Variants in NHS observed in about 807,000 individuals in gnomAD.
NHS encodes actin remodeling regulator NHS.
Under a neutral mutation model 72.5 loss-of-function variants are expected in NHS, and 5 were observed. The ratio of observed to expected loss-of-function variants is 0.07; its 90% CI spans 0.04 to 0.14. The LOEUF is 0.14. Ranked by LOEUF, NHS falls within the 10% of genes least tolerant of loss-of-function variation. The pLI is 1.00. For missense variants in NHS, 1,072 were observed against 1,355.7 expected (o/e 0.79, Z 3.29); for synonymous variants, 464 against 547.7 (o/e 0.85, Z 2.13).
chrX:17,619,202 C>A (rs1281700026), intron 1 of NHS, among the ~76,000 whole-genome samples: 2 of 112,043 alleles, frequency 1.8e-5, no homozygotes, highest in African/African-American at 6.5e-5. Context: ...CCTTATTGGC[C>A]TGTTGGCTAG....
intron 3 of NHS, among the ~76,000 whole-genome samples, chrX:17,710,564 T>C (rs1400127199): frequency 8.9e-6 from 1 of 112,166 alleles, no homozygotes; most frequent in Non-Finnish European, 1.9e-5. Context: ...TCCATTCATA[T>C]AACATTTTCA....
chrX:17,383,277 A>G (rs1281333344), intron 1 of NHS, among the ~76,000 whole-genome samples: 1 of 111,546 alleles, frequency 9.0e-6, no homozygotes, highest in African/African-American at 3.3e-5. Flanking sequence ...GAAGGCAAAG[A>G]CCTAGGGCTG....
intron 3 of NHS, among the ~76,000 whole-genome samples, chrX:17,716,184 C>A (rs1028848039): frequency 9.0e-6 from 1 of 111,628 alleles, no homozygotes; most frequent in African/African-American, 3.3e-5. Context: ...TCAGGTGTGA[C>A]CTCATGCTTA....
rs188238487 is a variant in NHS, at chrX:17,529,538, C to T, written c.565+153216C>T. Among the ~76,000 whole-genome samples the T allele has an allele frequency of 9.9e-5, 11 of 111,194 alleles. No individual in the cohort carries two copies. The East Asian group carries it at 1.4e-3, about 14-fold the overall frequency. ...GCAATGCCTTTAGTGTCACTGAAGC[C>T]GACAAAGAAAGCTGACGCGTTGTTT... On this transcript the variant is annotated intron_variant, in intron 1 of 8. Coordinates refer to ENST00000676302, the MANE Select transcript of NHS (RefSeq NM_001291867.2).
intron 1 of NHS, among the ~76,000 whole-genome samples, chrX:17,491,915 T>C (rs1334397148): frequency 1.8e-5 from 2 of 111,001 alleles, no homozygotes; most frequent in East Asian, 5.6e-4. Context: ...CTAGTTTATT[T>C]GCATAGAAGT....
At chrX:17,519,522 C>T (rs918081403) in intron 1 of NHS, among the ~76,000 whole-genome samples, 1 of 112,095 alleles carries the variant, frequency 8.9e-6, no homozygotes, top group Non-Finnish European at 1.9e-5. Context: ...TTCCCAGGGC[C>T]TTACACAACA....
chrX:17,664,590 ACT>A (rs1569303873), intron 1 of NHS, among the ~76,000 whole-genome samples: 1 of 112,098 alleles, frequency 8.9e-6, no homozygotes, highest in Non-Finnish European at 1.9e-5. Flanking sequence ...CCAAAACCAC[ACT>A]GTCTTGACCT....
intron 1 of NHS, among the ~76,000 whole-genome samples, chrX:17,524,975 G>A (rs1253467216): frequency 2.7e-5 from 3 of 111,358 alleles, no homozygotes; most frequent in Non-Finnish European, 3.8e-5. Context: ...TGATTGGGTG[G>A]GAAGGCATAC....
intron 1 of NHS, among the ~76,000 whole-genome samples, chrX:17,495,072 G>A (rs1019870149): frequency 3.6e-5 from 4 of 111,916 alleles, no homozygotes; most frequent in African/African-American, 6.5e-5. Flanking sequence ...GCAGGGAAGC[G>A]GAACTGAAGC....
At chrX:17,572,848 T>C (rs1028474804) in intron 1 of NHS, among the ~76,000 whole-genome samples, 3 of 111,806 alleles carry the variant, frequency 2.7e-5, no homozygotes, top group African/African-American at 9.8e-5. Flanking sequence ...AGTGCTTCCT[T>C]CAGGAGCTCT....
intron 1 of NHS, among the ~76,000 whole-genome samples, chrX:17,612,966 G>A (rs772579204): frequency 1.8e-5 from 2 of 111,238 alleles, no homozygotes; most frequent in African/African-American, 3.3e-5. Context: ...TAGGTATGCT[G>A]TATGGATGTA....
intron 1 of NHS, among the ~76,000 whole-genome samples, chrX:17,534,041 T>A (rs2065211181): frequency 8.9e-6 from 1 of 112,079 alleles, no homozygotes; most frequent in Non-Finnish European, 1.9e-5. Flanking sequence ...GATGATGAGT[T>A]CTCTAACCTA....
At chrX:17,625,436 C>T (rs1325986025) in intron 1 of NHS, among the ~76,000 whole-genome samples, 1 of 112,132 alleles carries the variant, frequency 8.9e-6, no homozygotes, top group Non-Finnish European at 1.9e-5. Context: ...TGGCCAAGTG[C>T]CAGCCAGCTT....
rs759786908 is a variant in NHS at position 17,535,447 on chromosome X, C to T, written c.566-152295C>T. Among the ~76,000 whole-genome samples, 5 of 111,816 alleles carry T rather than the reference C, an allele frequency of 4.5e-5. No homozygotes were observed. In the South Asian group the frequency reaches 1.1e-3, roughly 25 times the overall value. Reference sequence around the variant, plus strand: ...GGCAGCACCATCCCTAGTCAAACACCGCTAACAGATATTTCTCGTCTGCTC... The same window carrying T: ...GGCAGCACCATCCCTAGTCAAACACTGCTAACAGATATTTCTCGTCTGCTC... On this transcript the variant is annotated intron_variant, in intron 1 of 8. Coordinates refer to ENST00000676302, the MANE Select transcript of NHS (RefSeq NM_001291867.2).
rs769607373 is a variant in NHS at position 17,717,556 on chromosome X, T to C, written c.853-1788T>C. 1.7e-4 allele frequency among the ~76,000 whole-genome samples: 19 copies of C among 112,825 alleles called. No individual in the cohort carries two copies. The Middle Eastern group carries it at 0.023, about 136-fold the overall frequency. ...AGAGTTTTAAAAGTTTCAGTGGCCT[T>C]CTCAGTAGATCCTGAAGAGGGGATT... On this transcript the variant is annotated intron_variant, in intron 3 of 8. Transcript: ENST00000676302.
At chrX:17,488,360 G>C (rs749381557) in intron 1 of NHS, among the ~76,000 whole-genome samples, 2 of 111,371 alleles carry the variant, frequency 1.8e-5, no homozygotes, top group Non-Finnish European at 3.8e-5. Context: ...TTGGGCTTGA[G>C]GGCTGAAGGA....
chrX:17,408,446 T>C (rs190263319), intron 1 of NHS, among the ~76,000 whole-genome samples: 216 of 111,968 alleles, frequency 1.9e-3, no homozygotes, highest in Admixed American at 0.018. Flanking sequence ...GTGTTTATTC[T>C]ATGTGTTTTC....
chrX:17,654,488 C>A (rs1053875176), intron 1 of NHS, among the ~76,000 whole-genome samples: 1 of 112,713 alleles, frequency 8.9e-6, no homozygotes, highest in African/African-American at 3.2e-5. Flanking sequence ...TGACCACAAT[C>A]ATTAATTCAC....
intron 1 of NHS, among the ~76,000 whole-genome samples, chrX:17,472,366 G>A (rs995036719): frequency 9.0e-6 from 1 of 110,794 alleles, no homozygotes; most frequent in Non-Finnish European, 1.9e-5. Context: ...AGAGACAAGA[G>A]ACATAGCTGG....
Sources: gnomAD v4.1 joint callset for allele counts (sites outside exome capture counted in the v4.1 genomes callset) on GRCh38, gnomAD v4.1.1 for gene constraint, MANE v1.5 for transcripts, NCBI Gene and HGNC (gene_info 2026-07-23, HGNC 2026-07-21) for gene names.